KCNAB1: variants seen among roughly 807,000 people sequenced by gnomAD.
The protein encoded by KCNAB1 is potassium voltage-gated channel subfamily A regulatory beta subunit 1, also known as voltage-gated potassium channel subunit beta-1.
A neutral mutation model predicts 64.6 loss-of-function variants in KCNAB1; 35 were observed. That is an observed-to-expected ratio of 0.54 (90% CI 0.41 to 0.72). The LOEUF (loss-of-function observed/expected upper bound fraction) is 0.72. KCNAB1 is among the 30% of genes least tolerant of loss of function. The pLI, the probability that KCNAB1 is intolerant of heterozygous loss-of-function variation, is 0.00. For missense variants in KCNAB1, 401 were observed against 512.9 expected, an observed-to-expected ratio of 0.78 and a Z score of 2.11; for synonymous variants, 177 against 183.8, an observed-to-expected ratio of 0.96 and a Z score of 0.30.
intron 1 of KCNAB1, among the ~76,000 whole-genome samples, chr3:156,267,807 G>T (rs1270668235): frequency 6.6e-6 from 1 of 151,708 alleles, no homozygotes; most frequent in African/African-American, 2.4e-5. Flanking sequence ...AGGTATATTG[G>T]ATATTTTGAT....
At chr3:156,129,127 C>T (rs945800169) in intron 1 of KCNAB1, among the ~76,000 whole-genome samples, 3 of 152,184 alleles carry the variant, frequency 2.0e-5, no homozygotes, top group Admixed American at 1.3e-4. Flanking sequence ...GAGTGTGGTT[C>T]TGCCTATTCA....
At chr3:156,185,455 A>G (rs575811843) in intron 1 of KCNAB1, among the ~76,000 whole-genome samples, 28 of 152,356 alleles carry the variant, frequency 1.8e-4, no homozygotes, top group African/African-American at 6.7e-4. Flanking sequence ...CTGAGAATTA[A>G]GTTGATGTCA....
chr3:156,384,009 G>T (rs554362659), intron 1 of KCNAB1, among the ~76,000 whole-genome samples: 8 of 152,172 alleles, frequency 5.3e-5, no homozygotes, highest in African/African-American at 1.9e-4. Flanking sequence ...TTGGGTGGTT[G>T]TTTTCAGGGT....
intron 2 of KCNAB1, chr3:156,441,264 T>G (rs979751586): frequency 6.6e-6 from 1 of 152,116 alleles, no homozygotes; most frequent in East Asian, 1.9e-4. Flanking sequence ...ATTATTACTG[T>G]TTGGGAGAGA....
chr3:156,274,673 G>C (rs1719237688), intron 1 of KCNAB1, among the ~76,000 whole-genome samples: 1 of 152,128 alleles, frequency 6.6e-6, no homozygotes, highest in South Asian at 2.1e-4. Flanking sequence ...AAGTAGTTTT[G>C]TGGAAAGTTA....
At chr3:156,513,072 T>C (rs1397206163) in intron 8 of KCNAB1, among the ~76,000 whole-genome samples, 3 of 151,912 alleles carry the variant, frequency 2.0e-5, no homozygotes, top group South Asian at 2.1e-4. Context: ...GTTAGCCGGG[T>C]GTGGTGGCGG....
At chr3:156,376,427 C>G (rs1342650767) in intron 1 of KCNAB1, among the ~76,000 whole-genome samples, 1 of 152,012 alleles carries the variant, frequency 6.6e-6, no homozygotes, top group Non-Finnish European at 1.5e-5. Flanking sequence ...AAGCAAAGTT[C>G]AAAGACTGAA....
At chr3:156,395,543 T>TAAAAAGAAAAAA (rs1318444935) in intron 1 of KCNAB1, among the ~76,000 whole-genome samples, 2 of 8,448 alleles carry the variant, frequency 2.4e-4, no homozygotes, top group East Asian at 3.9e-3. Context: ...AGACTCCGTC[T>TAAAAAGAAAAAA]CAAAAAAAAA....
chr3:156,134,636 A>C (rs1714198138), intron 1 of KCNAB1, among the ~76,000 whole-genome samples: 1 of 152,246 alleles, frequency 6.6e-6, no homozygotes, highest in African/African-American at 2.4e-5. Context: ...GGAAAATGTC[A>C]AATGCTGAAA....
At chr3:156,341,677 A>G (rs954499358) in intron 1 of KCNAB1, among the ~76,000 whole-genome samples, 2 of 152,202 alleles carry the variant, frequency 1.3e-5, no homozygotes, top group Non-Finnish European at 2.9e-5. Flanking sequence ...AATATAATCC[A>G]GTGGTTCTCA....
intron 2 of KCNAB1, among the ~76,000 whole-genome samples, chr3:156,429,900 G>A (rs1015788455): frequency 9.9e-5 from 15 of 152,176 alleles, no homozygotes; most frequent in Admixed American, 9.8e-4. Context: ...TTTAAATGGT[G>A]TATGAATATT....
At chr3:156,523,363 T>C (rs1718082721) in intron 11 of KCNAB1, among the ~76,000 whole-genome samples, 1 of 151,998 alleles carries the variant, frequency 6.6e-6, no homozygotes, top group African/African-American at 2.4e-5. Flanking sequence ...GGGAGAAAAA[T>C]AGTTAAACAA....
intron 1 of KCNAB1, among the ~76,000 whole-genome samples, chr3:156,344,583 T>C (rs1048433618): frequency 2.0e-5 from 3 of 152,216 alleles, no homozygotes; most frequent in African/African-American, 7.2e-5. Flanking sequence ...TAAGAATCCA[T>C]GGAAGGATAT....
At chr3:156,165,753 T>C (rs1052653663) in intron 1 of KCNAB1, among the ~76,000 whole-genome samples, 10 of 152,236 alleles carry the variant, frequency 6.6e-5, no homozygotes, top group Non-Finnish European at 1.5e-4. Context: ...ATTGCGGCTT[T>C]ATTCCCTTTT....
intron 1 of KCNAB1, among the ~76,000 whole-genome samples, chr3:156,237,587 T>A (rs1332052776): frequency 6.6e-6 from 1 of 152,152 alleles, no homozygotes; most frequent in African/African-American, 2.4e-5. Context: ...GATTGGAAGT[T>A]TTTTGCATCT....
At chr3:156,349,229 GA>G (rs1299051634) in intron 1 of KCNAB1, among the ~76,000 whole-genome samples, 1 of 152,206 alleles carries the variant, frequency 6.6e-6, no homozygotes, top group South Asian at 2.1e-4. Flanking sequence ...GCAAGTGGAA[GA>G]AAAAAAGTAG....
intron 11 of KCNAB1, 56 bp downstream of exon 11, chr3:156,516,420 T>C (rs1230667392): frequency 7.9e-7 from 1 of 1,259,364 alleles, no homozygotes; most frequent in African/African-American, 1.5e-5. Flanking sequence ...GGAAGAAGGT[T>C]GGTAAGAACA....
At chr3:156,350,384 AC>A (rs1270217107) in intron 1 of KCNAB1, among the ~76,000 whole-genome samples, 1 of 152,148 alleles carries the variant, frequency 6.6e-6, no homozygotes, top group African/African-American at 2.4e-5. Context: ...CCCCATCTCT[AC>A]AAAAAATAAA....
At chr3:156,200,514 C>G (rs1189741917) in intron 1 of KCNAB1, among the ~76,000 whole-genome samples, 1 of 152,232 alleles carries the variant, frequency 6.6e-6, no homozygotes, top group African/African-American at 2.4e-5. Flanking sequence ...CAGAGATGGC[C>G]TTCCCAGTGA....
Sources: allele counts gnomAD v4.1 joint callset (sites outside exome capture counted in the v4.1 genomes callset), GRCh38; gene constraint gnomAD v4.1.1; transcripts MANE v1.5; gene names NCBI Gene and HGNC (gene_info 2026-07-23, HGNC 2026-07-21).